The following CNTNAP2 variants were observed in gnomAD, a reference collection of about 807,000 sequenced individuals.
CNTNAP2 encodes contactin associated protein 2.
In CNTNAP2, 98 loss-of-function variants were observed where a neutral mutation model predicts 155.2. The observed-to-expected ratio is 0.63, with a 90% CI of 0.54 to 0.75. The LOEUF (loss-of-function observed/expected upper bound fraction) is 0.75, where lower values mean the gene tolerates loss of function less well. Among genes scored for constraint, CNTNAP2 ranks in the 30% least tolerant of loss-of-function variants. The pLI, the probability that CNTNAP2 is intolerant of heterozygous loss-of-function variation, is 0.00. For missense variants in CNTNAP2, 1,727 were observed against 1,688.1 expected, an observed-to-expected ratio of 1.02 and a Z score of -0.40; for synonymous variants, 651 against 631.2, an observed-to-expected ratio of 1.03 and a Z score of -0.47.
At chr7:147,931,917 ATT>A (rs1368557005) in intron 14 of CNTNAP2, among the ~76,000 whole-genome samples, 1 of 151,886 alleles carries the variant, frequency 6.6e-6, no homozygotes, top group South Asian at 2.1e-4. Context: ...ACAGGGTCTC[ATT>A]ATATCACCCA....
chr7:148,355,166 CTTT>C (rs1167992306), intron 21 of CNTNAP2, among the ~76,000 whole-genome samples: 11 of 41,014 alleles, frequency 2.7e-4, no homozygotes, highest in African/African-American at 8.3e-4. Context: ...CCGCCAGCTG[CTTT>C]TTTTTTTTTT....
intron 12 of CNTNAP2, among the ~76,000 whole-genome samples, chr7:147,626,772 C>T (rs1162424774): frequency 1.3e-5 from 2 of 152,168 alleles, no homozygotes; most frequent in Admixed American, 1.3e-4. Context: ...GAGAAGACAA[C>T]ACCTAATTCC....
intron 1 of CNTNAP2, among the ~76,000 whole-genome samples, chr7:146,261,111 G>C (rs922626293): frequency 3.3e-5 from 5 of 152,094 alleles, no homozygotes; most frequent in Non-Finnish European, 5.9e-5. Flanking sequence ...TGTCAGACGT[G>C]CCTTGCTTCC....
chr7:146,412,746 G>T (rs1724521), intron 1 of CNTNAP2, among the ~76,000 whole-genome samples: 5,420 of 152,216 alleles, frequency 0.036, 345 homozygotes, highest in African/African-American at 0.12. Flanking sequence ...TACATTCAAC[G>T]GACATAGAAG....
At chr7:146,679,124 C>T (rs973074430) in intron 1 of CNTNAP2, among the ~76,000 whole-genome samples, 3 of 151,962 alleles carry the variant, frequency 2.0e-5, no homozygotes, top group Admixed American at 6.6e-5. Flanking sequence ...AAGCCTAGTA[C>T]CCATTAGTTA....
intron 15 of CNTNAP2, among the ~76,000 whole-genome samples, chr7:148,092,868 C>A (rs1418193422): frequency 1.5e-5 from 2 of 136,778 alleles, no homozygotes; most frequent in South Asian, 2.4e-4. Context: ...GAAAGACACA[C>A]AGTCTCAATT....
At chr7:147,914,811 C>G (rs1800131747) in intron 14 of CNTNAP2, among the ~76,000 whole-genome samples, 1 of 152,110 alleles carries the variant, frequency 6.6e-6, no homozygotes, top group Non-Finnish European at 1.5e-5. Context: ...CTTGGCCTCC[C>G]AAAATACTGG....
chr7:147,770,919 T>G (rs1421883610), intron 13 of CNTNAP2, among the ~76,000 whole-genome samples: 1 of 152,042 alleles, frequency 6.6e-6, no homozygotes, highest in African/African-American at 2.4e-5. Flanking sequence ...AAGAAGAACA[T>G]GGAAGAAATC....
At chr7:147,031,723 G>A (rs1337273571) in intron 3 of CNTNAP2, among the ~76,000 whole-genome samples, 1 of 152,206 alleles carries the variant, frequency 6.6e-6, no homozygotes, top group Non-Finnish European at 1.5e-5. Context: ...TTCCAGACCA[G>A]CCTGGGCAAT....
intron 13 of CNTNAP2, among the ~76,000 whole-genome samples, chr7:147,746,306 T>C (rs1207395346): frequency 6.6e-6 from 1 of 152,168 alleles, no homozygotes; most frequent in Admixed American, 6.5e-5. Flanking sequence ...GATGCTGGGC[T>C]TGAACACAGG....
chr7:147,057,871 C>A (rs1799592082), intron 4 of CNTNAP2, among the ~76,000 whole-genome samples: 1 of 152,152 alleles, frequency 6.6e-6, no homozygotes, highest in Non-Finnish European at 1.5e-5. Flanking sequence ...CCATAGACTT[C>A]ATATTGATAA....
intron 8 of CNTNAP2, among the ~76,000 whole-genome samples, chr7:147,244,788 A>T (rs143865162): frequency 2.0e-5 from 3 of 152,340 alleles, no homozygotes; most frequent in African/African-American, 7.2e-5. Context: ...CCTATTGCCC[A>T]TATATTTTTT....
At chr7:146,913,454 G>C (rs1796331155) in intron 3 of CNTNAP2, among the ~76,000 whole-genome samples, 2 of 152,118 alleles carry the variant, frequency 1.3e-5, no homozygotes, top group Non-Finnish European at 2.9e-5. Flanking sequence ...AATGATATTA[G>C]ACTGAGTGGT....
intron 3 of CNTNAP2, among the ~76,000 whole-genome samples, chr7:146,850,995 A>AT (rs1281036915): frequency 2.0e-5 from 3 of 151,758 alleles, no homozygotes; most frequent in Admixed American, 6.6e-5. Flanking sequence ...TTTTATTTTT[A>AT]TTTTTTTGAA....
At position 148,086,177 on chromosome 7, in the gene CNTNAP2, T is replaced by C. The variant is rs28630032; in HGVS notation, c.2384-31941T>C. ...AGGGGGATTTGAAACTATGTCCTTATGATAATTGATAGTTATGATAATTGA... is the reference window on the plus strand; with the variant it reads ...AGGGGGATTTGAAACTATGTCCTTACGATAATTGATAGTTATGATAATTGA... On this transcript the variant is annotated intron_variant, in intron 15 of 23. Transcript: ENST00000361727. 6.1e-3 allele frequency among the ~76,000 whole-genome samples: 934 copies of C among 152,344 alleles called. 12 individuals carry two copies. The highest frequency in any genetic ancestry group is 0.022 in the African/African-American group (894 of 41,572).
chr7:147,939,559 C>T (rs770694308), intron 14 of CNTNAP2, among the ~76,000 whole-genome samples: 2 of 152,104 alleles, frequency 1.3e-5, no homozygotes, highest in African/African-American at 2.4e-5. Context: ...GAATTCCTGA[C>T]CTTGTGACCC....
chr7:148,229,823 T>C (rs1230416298), intron 20 of CNTNAP2, 44 bp downstream of exon 20: 1 of 1,610,172 alleles, frequency 6.2e-7, no homozygotes, highest in South Asian at 1.1e-5. Flanking sequence ...TATCGCATTA[T>C]AGTCCCTGTC....
At chr7:148,265,456 T>C (rs143879762) in intron 20 of CNTNAP2, among the ~76,000 whole-genome samples, 139 of 152,184 alleles carry the variant, frequency 9.1e-4, no homozygotes, top group Middle Eastern at 3.4e-3. Context: ...AAAATTTTTA[T>C]AGAGATAATG....
At chr7:146,516,851 A>T (rs1315149039) in intron 1 of CNTNAP2, among the ~76,000 whole-genome samples, 2 of 151,982 alleles carry the variant, frequency 1.3e-5, no homozygotes, top group Non-Finnish European at 2.9e-5. Flanking sequence ...ACAGTGCCCC[A>T]AAACGAAACT....
Sources: allele counts gnomAD v4.1 joint callset (sites outside exome capture counted in the v4.1 genomes callset), GRCh38; gene constraint gnomAD v4.1.1; transcripts MANE v1.5; gene names NCBI Gene and HGNC (gene_info 2026-07-23, HGNC 2026-07-21).